Variants in PPP2R3A observed in about 807,000 individuals in gnomAD.
The protein encoded by PPP2R3A is protein phosphatase 2 regulatory subunit B''alpha.
PPP2R3A carries 80 observed loss-of-function variants against 106.9 expected under a neutral mutation model. That is an observed-to-expected ratio of 0.75 (90% confidence interval 0.62 to 0.90). PPP2R3A has a LOEUF of 0.90. PPP2R3A is among the 40% of genes least tolerant of loss of function. The probability of loss-of-function intolerance (pLI) is 0.00; values close to 1 mark genes in which losing one functional copy is unlikely to be tolerated. For synonymous variants in PPP2R3A, 483 were observed against 468.3 expected (o/e 1.03, Z -0.41); for missense variants, 1,386 against 1,350.4 (o/e 1.03, Z -0.41).
In PPP2R3A at chr3:136,134,300, T is replaced by C. The variant is rs139590288; in HGVS notation, c.3330-10743T>C. ...GTCCCTGGAAAGTAATTTGACAATA[T>C]GTAGCAACAACTTGAATTTATGCCC... On this transcript the variant is annotated intron_variant, in intron 13 of 13. Transcript: ENST00000264977. Among the ~76,000 whole-genome samples, 284 of 152,342 alleles carry C rather than the reference T, an allele frequency of 1.9e-3. 5 individuals are homozygous for C. In the East Asian group the frequency reaches 0.048, roughly 26 times the overall value.
In PPP2R3A at chr3:136,090,594, A is replaced by C; in HGVS notation, c.2854A>C (p.Lys952Gln). The change falls in exon 10 of 14, where the codon AAA (lysine) becomes CAA (glutamine). Residue 952 changes from lysine (K) to glutamine (Q), a missense_variant. Physicochemically the swap from Lys to Gln is moderately conservative, Grantham distance 53. Transcript: ENST00000264977. The part of the protein sequence containing the change: ...GAVTRGKTIQ[K>Q]EGRMSYADFV... ...TTTCTTTAGGGGAAAAACAATACAG[A>C]AAGAGGGAAGAATGAGCTATGCAGA... 6.2e-7 allele frequency: 1 copy of C among 1,613,572 alleles called. No individual in the cohort carries two copies. The highest frequency in any genetic ancestry group is 8.5e-7 in the Non-Finnish European group (1 of 1,179,666).
At chr3:136,041,120 A>G (rs1333752537) in intron 4 of PPP2R3A, among the ~76,000 whole-genome samples, 158 bp downstream of exon 4, 2 of 152,120 alleles carry the variant, frequency 1.3e-5, no homozygotes, top group African/African-American at 2.4e-5. Context: ...TTATACTCAC[A>G]TACAAGTTCT....
rs1027894334 is a variant in PPP2R3A at position 136,128,163 on chromosome 3, G to C, written c.3330-16880G>C. Among the ~76,000 whole-genome samples the C allele has an allele frequency of 1.1e-4, 17 of 151,946 alleles. 1 individual carries two copies. Among genetic ancestry groups the C allele is most frequent in the African/African-American group, 4.8e-5 (2 of 41,382 alleles). On this transcript the variant is annotated intron_variant, in intron 13 of 13. Transcript: ENST00000264977. ...GACAGGATCAAATTCACACATAACAGTATTAACCTTAAATATAAATGGGCT... is the reference window on the plus strand; with the variant it reads ...GACAGGATCAAATTCACACATAACACTATTAACCTTAAATATAAATGGGCT...
chr3:136,089,366 G>A (rs1225999909), intron 9 of PPP2R3A, among the ~76,000 whole-genome samples: 3 of 151,796 alleles, frequency 2.0e-5, no homozygotes, highest in South Asian at 2.1e-4. Flanking sequence ...TGTTTTTATC[G>A]ACTTTGTCAA....
chr3:136,074,488 G>A (rs564662040), intron 6 of PPP2R3A, among the ~76,000 whole-genome samples: 2 of 152,326 alleles, frequency 1.3e-5, no homozygotes, highest in Admixed American at 6.5e-5. Context: ...AATCATAGCC[G>A]TTGAGTGCAG....
At chr3:136,070,254 A>G (rs1273143372) in intron 5 of PPP2R3A, among the ~76,000 whole-genome samples, 1 of 152,246 alleles carries the variant, frequency 6.6e-6, no homozygotes, top group Non-Finnish European at 1.5e-5. Flanking sequence ...TAACGTAGCT[A>G]AAATCAAACT....
At chr3:136,032,752 T>C (rs550166144) in intron 3 of PPP2R3A, among the ~76,000 whole-genome samples, 39 of 152,240 alleles carry the variant, frequency 2.6e-4, no homozygotes, top group African/African-American at 9.1e-4. Context: ...GCCAGGATGG[T>C]CTCGATCTCC....
At chr3:136,143,654 G>T (rs550760019) in intron 13 of PPP2R3A, among the ~76,000 whole-genome samples, 1 of 152,078 alleles carries the variant, frequency 6.6e-6, no homozygotes, top group South Asian at 2.1e-4. Context: ...CCCGGGCATG[G>T]TGGCACATGC....
intron 6 of PPP2R3A, among the ~76,000 whole-genome samples, chr3:136,071,634 T>C (rs1157433643): frequency 6.6e-6 from 1 of 151,136 alleles, no homozygotes; most frequent in Non-Finnish European, 1.5e-5. Context: ...GAGCAAACAA[T>C]TGTCCTTTTA....
intron 5 of PPP2R3A, 89 bp from the exon 6 acceptor site, chr3:136,070,389 C>T (rs1005746163): frequency 1.1e-6 from 1 of 950,294 alleles, no homozygotes; most frequent in Non-Finnish European, 1.5e-6. Flanking sequence ...AGCAAGTTTG[C>T]TCAACTGGCA....
intron 1 of PPP2R3A, among the ~76,000 whole-genome samples, chr3:135,992,173 C>G (rs975657922): frequency 2.0e-5 from 3 of 152,080 alleles, no homozygotes; most frequent in African/African-American, 7.2e-5. Flanking sequence ...TTCTTTTAAA[C>G]TGTTCTGTTG....
chr3:136,142,982 C>A (rs1435637644), intron 13 of PPP2R3A, among the ~76,000 whole-genome samples: 3 of 152,190 alleles, frequency 2.0e-5, no homozygotes, highest in Admixed American at 6.5e-5. Context: ...GCGGAAAGTT[C>A]CTCTCCTATT....
intron 6 of PPP2R3A, among the ~76,000 whole-genome samples, chr3:136,072,847 ATTTC>A (rs746970143): frequency 1.4e-4 from 22 of 152,110 alleles, no homozygotes; most frequent in Non-Finnish European, 2.8e-4. Flanking sequence ...CTAGTTTGAT[ATTTC>A]TTTTTTTTCT....
intron 10 of PPP2R3A, among the ~76,000 whole-genome samples, chr3:136,100,307 C>T (rs1454489398): frequency 1.3e-5 from 2 of 151,616 alleles, no homozygotes; most frequent in East Asian, 1.9e-4. Context: ...GCCAGGAGTT[C>T]GAGACCAGTG....
intron 13 of PPP2R3A, among the ~76,000 whole-genome samples, chr3:136,116,618 A>G (rs190397960): frequency 4.6e-5 from 7 of 152,372 alleles, no homozygotes; most frequent in African/African-American, 1.7e-4. Context: ...CAGACTTTAA[A>G]CCAACAAAGA....
intron 13 of PPP2R3A, among the ~76,000 whole-genome samples, chr3:136,126,710 T>C (rs530776482): frequency 3.3e-5 from 5 of 152,288 alleles, no homozygotes; most frequent in Non-Finnish European, 5.9e-5. Flanking sequence ...GACCCCTGTG[T>C]AGCCTAACGG....
In PPP2R3A at chr3:136,147,204, A is replaced by C. The variant is rs1327570866; in HGVS notation, c.*2038A>C. On this transcript the variant is annotated 3_prime_UTR_variant, in exon 14 of 14. Coordinates refer to ENST00000264977, the MANE Select transcript of PPP2R3A (RefSeq NM_002718.5). ...CAACATAGTGAGACTCCGTCTCTACAAAAAATAAATTTAGCTGGGCATGGT... is the reference window on the plus strand; with the variant it reads ...CAACATAGTGAGACTCCGTCTCTACCAAAAATAAATTTAGCTGGGCATGGT... The C allele has an allele frequency of 6.6e-6, 1 of 152,168 alleles. No homozygotes were observed. Among genetic ancestry groups the C allele is most frequent in the Non-Finnish European group, 1.5e-5 (1 of 68,064 alleles). 9.4% of individuals were successfully genotyped at this position (152,168 alleles called of 1,614,324 possible). A position where few individuals can be genotyped will look rare whatever the true frequency, so the allele number is the denominator to read the frequency against.
intron 5 of PPP2R3A, among the ~76,000 whole-genome samples, chr3:136,049,707 A>T (rs1173921882): frequency 6.6e-6 from 1 of 152,206 alleles, no homozygotes; most frequent in Non-Finnish European, 1.5e-5. Context: ...CAAGAAGATA[A>T]CTTCTCTGTT....
intron 5 of PPP2R3A, among the ~76,000 whole-genome samples, chr3:136,064,672 C>A (rs967858996): frequency 2.3e-4 from 35 of 151,976 alleles, no homozygotes; most frequent in Non-Finnish European, 2.2e-4. Flanking sequence ...CTATATAAGA[C>A]AGCCACGATC....
Sources: gnomAD v4.1 joint callset for allele counts (sites outside exome capture counted in the v4.1 genomes callset) on GRCh38, gnomAD v4.1.1 for gene constraint, MANE v1.5 for transcripts, NCBI Gene and HGNC (gene_info 2026-07-23, HGNC 2026-07-21) for gene names.